The following EPB41 variants were observed in gnomAD, a reference collection of about 807,000 sequenced individuals.
The protein encoded by EPB41 is protein 4.1.
In EPB41, 65 loss-of-function variants were observed where a neutral mutation model predicts 108.0. The observed-to-expected ratio is 0.60, with a 90% CI of 0.49 to 0.74. The LOEUF (loss-of-function observed/expected upper bound fraction) is 0.74, where lower values mean the gene tolerates loss of function less well. Among genes scored for constraint, EPB41 ranks in the 30% least tolerant of loss-of-function variants. The probability of loss-of-function intolerance (pLI) is 0.00; values close to 1 mark genes in which losing one functional copy is unlikely to be tolerated. For missense variants in EPB41, 875 were observed against 1,037.0 expected (o/e 0.84, Z 2.15); for synonymous variants, 336 against 358.9 (o/e 0.94, Z 0.72).
At chr1:29,046,945 G>A (rs1309253142) in intron 11 of EPB41, among the ~76,000 whole-genome samples, 1 of 151,970 alleles carries the variant, frequency 6.6e-6, no homozygotes, top group Non-Finnish European at 1.5e-5. Flanking sequence ...AGAGAGATAG[G>A]CCTATAATTT....
At chr1:28,997,030 T>C (rs1233857042) in intron 3 of EPB41, among the ~76,000 whole-genome samples, 185 bp from the exon 4 acceptor site, 1 of 152,110 alleles carries the variant, frequency 6.6e-6, no homozygotes, top group African/African-American at 2.4e-5. Flanking sequence ...TGCACATCTG[T>C]AGTCCTAGCT....
intron 1 of EPB41, among the ~76,000 whole-genome samples, chr1:28,963,764 C>G (rs2095287210): frequency 6.6e-6 from 1 of 152,214 alleles, no homozygotes; most frequent in Non-Finnish European, 1.5e-5. Context: ...GTTTGACCAG[C>G]TTATATACCC....
intron 1 of EPB41, among the ~76,000 whole-genome samples, chr1:28,927,416 G>A (rs945563902): frequency 6.6e-6 from 1 of 152,132 alleles, no homozygotes; most frequent in African/African-American, 2.4e-5. Context: ...TGTTGTTCGT[G>A]TTGGGTATCT....
intron 1 of EPB41, among the ~76,000 whole-genome samples, chr1:28,922,333 C>T (rs1344492431): frequency 1.3e-5 from 2 of 151,860 alleles, no homozygotes; most frequent in South Asian, 4.2e-4. Flanking sequence ...ATAGTTGTTG[C>T]CAAGTAAATA....
intron 11 of EPB41, among the ~76,000 whole-genome samples, chr1:29,049,933 C>T (rs1644199526): frequency 6.6e-6 from 1 of 152,114 alleles, no homozygotes; most frequent in Non-Finnish European, 1.5e-5. Context: ...TTACCCCCAA[C>T]ACTGTGAATA....
At chr1:29,013,378 AAAAC>A (rs1372190262) in intron 5 of EPB41, among the ~76,000 whole-genome samples, 1 of 152,162 alleles carries the variant, frequency 6.6e-6, no homozygotes, top group Admixed American at 6.5e-5. Flanking sequence ...ATGGGGGAAA[AAAAC>A]AAAACAAAAC....
chr1:28,891,864 G>A (rs529702448), intron 1 of EPB41, among the ~76,000 whole-genome samples: 2 of 152,028 alleles, frequency 1.3e-5, no homozygotes, highest in African/African-American at 2.4e-5. Context: ...CAAGGTGGGC[G>A]GGTCACCTGA....
At chr1:29,058,980 A>G in intron 14 of EPB41, 128 bp downstream of exon 14, 1 of 897,076 alleles carries the variant, frequency 1.1e-6, no homozygotes, top group Non-Finnish European at 1.8e-6. Flanking sequence ...AATAGTTTCA[A>G]ATAATGGATA....
intron 1 of EPB41, among the ~76,000 whole-genome samples, chr1:28,898,104 C>T (rs1401797504): frequency 6.6e-6 from 1 of 152,090 alleles, no homozygotes; most frequent in African/African-American, 2.4e-5. Flanking sequence ...TGAGCACTGT[C>T]GTTGGTGTGG....
At chr1:28,936,081 C>G (rs895908926) in intron 1 of EPB41, among the ~76,000 whole-genome samples, 2 of 152,156 alleles carry the variant, frequency 1.3e-5, no homozygotes, top group Non-Finnish European at 2.9e-5. Context: ...TTTGCCCTTT[C>G]TTCTCTGGCC....
In EPB41 at chr1:29,091,112, T is replaced by G. The variant is rs1205431089; in HGVS notation, c.2185-6695T>G. Among the ~76,000 whole-genome samples the G allele has an allele frequency of 4.6e-5, 7 of 152,194 alleles. No homozygotes were observed. The East Asian group carries it at 7.7e-4, about 17-fold the overall frequency. On this transcript the variant is annotated intron_variant, in intron 16 of 20. Transcript: ENST00000343067. ...AAGAGATTGTTCTGTCTAATTTAAC[T>G]CAGCAGTAGGCAAGTTTGGGTCAGG...
At chr1:28,947,387 A>T (rs1369010596) in intron 1 of EPB41, among the ~76,000 whole-genome samples, 1 of 150,492 alleles carries the variant, frequency 6.6e-6, no homozygotes, top group Non-Finnish European at 1.5e-5. Context: ...CCGTCTGGCG[A>T]CGGAGCGAGA....
chr1:29,028,713 T>C (rs932828304), intron 7 of EPB41, among the ~76,000 whole-genome samples: 1 of 152,182 alleles, frequency 6.6e-6, no homozygotes, highest in Admixed American at 6.5e-5. Flanking sequence ...GAAATTATTG[T>C]ACTCTTTAAA....
rs1647015843 is a variant in EPB41 at position 29,064,481 on chromosome 1, A to G, written c.2008-501A>G. On this transcript the variant is annotated intron_variant, in intron 15 of 20. Coordinates refer to ENST00000343067, the MANE Select transcript of EPB41 (RefSeq NM_001376013.1). The stretch of plus-strand genomic sequence containing the variant: ...TAAAACCATCTCCAGGTAGAAATAG[A>G]AGGATACTGTATGTTTGCAACTCAA... 2.0e-5 allele frequency among the ~76,000 whole-genome samples: 3 copies of G among 152,192 alleles called. No individual in the cohort carries two copies. In the South Asian group the frequency reaches 6.2e-4, roughly 32 times the overall value.
intron 16 of EPB41, among the ~76,000 whole-genome samples, chr1:29,090,065 A>G (rs1573808033): frequency 6.6e-6 from 1 of 152,182 alleles, no homozygotes; most frequent in Non-Finnish European, 1.5e-5. Context: ...GGAGTTCAAG[A>G]CCAGCCTGGC....
chr1:28,972,593 G>A (rs773520171), intron 1 of EPB41, among the ~76,000 whole-genome samples: 2 of 151,862 alleles, frequency 1.3e-5, no homozygotes, highest in Admixed American at 1.3e-4. Flanking sequence ...GATTCACTCA[G>A]TATGGCAAGC....
intron 16 of EPB41, among the ~76,000 whole-genome samples, chr1:29,095,932 A>G (rs1480693751): frequency 6.6e-6 from 1 of 152,210 alleles, no homozygotes; most frequent in Non-Finnish European, 1.5e-5. Context: ...TCAGATTAAC[A>G]ATGATATAGA....
intron 7 of EPB41, among the ~76,000 whole-genome samples, chr1:29,029,041 C>CA (rs34636821): frequency 0.027 from 3,377 of 123,618 alleles, 72 homozygotes; most frequent in Middle Eastern, 0.11. Flanking sequence ...GACCCTGTCT[C>CA]AAAAAAAAAA....
intron 1 of EPB41, among the ~76,000 whole-genome samples, chr1:28,902,671 T>G (rs1432062479): frequency 6.6e-6 from 1 of 152,158 alleles, no homozygotes; most frequent in Non-Finnish European, 1.5e-5. Flanking sequence ...GGGGGGTTCG[T>G]CACACCTTCA....
Sources: allele counts gnomAD v4.1 joint callset (sites outside exome capture counted in the v4.1 genomes callset), GRCh38; gene constraint gnomAD v4.1.1; transcripts MANE v1.5; gene names NCBI Gene and HGNC (gene_info 2026-07-23, HGNC 2026-07-21).